The following SLC24A3 variants were observed in gnomAD, a reference collection of about 807,000 sequenced individuals.
The protein encoded by SLC24A3 is solute carrier family 24 member 3.
A neutral mutation model predicts 75.8 loss-of-function variants in SLC24A3; 28 were observed. That is an observed-to-expected ratio of 0.37 (90% CI 0.27 to 0.51). The LOEUF (loss-of-function observed/expected upper bound fraction) is 0.51, where lower values mean the gene tolerates loss of function less well. Among genes scored for constraint, SLC24A3 ranks in the 20% least tolerant of loss-of-function variants. The pLI is 0.94. For missense variants in SLC24A3, 663 were observed against 847.8 expected (o/e 0.78, Z 2.71); for synonymous variants, 372 against 334.1 (o/e 1.11, Z -1.24).
intron 1 of SLC24A3, among the ~76,000 whole-genome samples, chr20:19,241,041 G>A (rs562819058): frequency 3.3e-5 from 5 of 152,302 alleles, no homozygotes; most frequent in South Asian, 2.1e-4. Flanking sequence ...AGCCTGTCCC[G>A]GTGAAGAGGG....
rs1025784608 is a variant in SLC24A3 at position 19,275,713 on chromosome 20, C to T, written c.143-5246C>T. Reference sequence around the variant, plus strand: ...ACACAGCTCTGTAATGGAAACTTGGCGTCCAGCCTCACTTTGTGTCCTTCC... The same window carrying T: ...ACACAGCTCTGTAATGGAAACTTGGTGTCCAGCCTCACTTTGTGTCCTTCC... On this transcript the variant is annotated intron_variant, in intron 1 of 16. Coordinates refer to ENST00000328041, the MANE Select transcript of SLC24A3 (RefSeq NM_020689.4). 6.6e-5 allele frequency among the ~76,000 whole-genome samples: 10 copies of T among 152,252 alleles called. No individual in the cohort carries two copies. In the South Asian group the frequency reaches 1.7e-3, roughly 25 times the overall value.
In SLC24A3 at chr20:19,493,108, C is replaced by T. The variant is rs922595439; in HGVS notation, c.272-22380C>T. Among the ~76,000 whole-genome samples, 42 of 152,218 alleles carry T rather than the reference C, an allele frequency of 2.8e-4. 1 individual carries two copies. The highest frequency in any genetic ancestry group is 3.3e-4 in the Admixed American group (5 of 15,288). On this transcript the variant is annotated intron_variant, in intron 2 of 16. Coordinates refer to ENST00000328041, the MANE Select transcript of SLC24A3 (RefSeq NM_020689.4). ...CTGAATTAAATGGTTGGCCTGGCCT[C>T]GTTGCCATGGTGACAGGAATCAGTG...
chr20:19,575,277 A>G (rs62203260), intron 3 of SLC24A3, among the ~76,000 whole-genome samples: 8 of 133,376 alleles, frequency 6.0e-5, no homozygotes, highest in Non-Finnish European at 1.3e-4. Flanking sequence ...AAAAAAAAAA[A>G]GGCAACACCA....
chr20:19,252,640 T>TGGCA (rs1169052638), intron 1 of SLC24A3, among the ~76,000 whole-genome samples: 1 of 99,574 alleles, frequency 1.0e-5, no homozygotes, highest in East Asian at 7.8e-4. Context: ...GAAATTGGAA[T>TGGCA]GGCGGGGGGG....
At chr20:19,226,099 G>A (rs902636158) in intron 1 of SLC24A3, among the ~76,000 whole-genome samples, 1 of 151,524 alleles carries the variant, frequency 6.6e-6, no homozygotes, top group Non-Finnish European at 1.5e-5. Context: ...TTCCTTTTTC[G>A]CCTTAGTTTT....
At chr20:19,490,226 G>A (rs1231763787) in intron 2 of SLC24A3, among the ~76,000 whole-genome samples, 1 of 152,150 alleles carries the variant, frequency 6.6e-6, no homozygotes, top group Admixed American at 6.5e-5. Flanking sequence ...CTTGTGCCCA[G>A]GGGTAGCATC....
chr20:19,249,655 G>A (rs1033017205), intron 1 of SLC24A3, among the ~76,000 whole-genome samples: 7 of 152,126 alleles, frequency 4.6e-5, no homozygotes, highest in Non-Finnish European at 1.0e-4. Flanking sequence ...GAGACAGGAA[G>A]GCAACACAAC....
At chr20:19,619,406 G>A (rs1026161325) in intron 6 of SLC24A3, among the ~76,000 whole-genome samples, 7 of 152,280 alleles carry the variant, frequency 4.6e-5, no homozygotes, top group African/African-American at 1.7e-4. Context: ...CAGCTGGGAA[G>A]CCAGACTCAG....
chr20:19,669,066 G>A (rs2032433159), intron 8 of SLC24A3, among the ~76,000 whole-genome samples: 1 of 152,208 alleles, frequency 6.6e-6, no homozygotes, highest in African/African-American at 2.4e-5. Context: ...AGGGCCTGGG[G>A]TCAGGCGCAC....
intron 2 of SLC24A3, among the ~76,000 whole-genome samples, chr20:19,412,689 C>G (rs1363339483): frequency 6.6e-6 from 1 of 152,122 alleles, no homozygotes; most frequent in Non-Finnish European, 1.5e-5. Context: ...CTTTTAAGAT[C>G]TCCCACAGAA....
intron 6 of SLC24A3, among the ~76,000 whole-genome samples, chr20:19,608,702 C>T (rs1022918760): frequency 2.0e-5 from 3 of 152,108 alleles, no homozygotes; most frequent in African/African-American, 7.2e-5. Flanking sequence ...AGAGGTTCTT[C>T]GTTGATCTAA....
chr20:19,281,283 C>A (rs1290272934), intron 2 of SLC24A3, among the ~76,000 whole-genome samples, 196 bp downstream of exon 2: 1 of 152,160 alleles, frequency 6.6e-6, no homozygotes, highest in Non-Finnish European at 1.5e-5. Context: ...TGTTCGTTTT[C>A]TACTGGAGCT....
chr20:19,334,554 T>C (rs951319964), intron 2 of SLC24A3, among the ~76,000 whole-genome samples: 2 of 152,190 alleles, frequency 1.3e-5, no homozygotes, highest in African/African-American at 2.4e-5. Context: ...AACACCAAGA[T>C]TCAGTGCCAA....
chr20:19,658,926 AC>A (rs1259852830), intron 7 of SLC24A3, among the ~76,000 whole-genome samples: 1 of 152,168 alleles, frequency 6.6e-6, no homozygotes, highest in East Asian at 1.9e-4. Flanking sequence ...CAGCAGACGG[AC>A]AGTTTTTTGT....
At chr20:19,604,006 C>T (rs969624818) in intron 6 of SLC24A3, among the ~76,000 whole-genome samples, 6 of 152,172 alleles carry the variant, frequency 3.9e-5, no homozygotes, top group African/African-American at 7.2e-5. Flanking sequence ...CTGCAATCCC[C>T]GGGCAGCACA....
intron 3 of SLC24A3, among the ~76,000 whole-genome samples, chr20:19,545,829 G>A (rs770986530): frequency 1.9e-4 from 29 of 152,026 alleles, no homozygotes; most frequent in Admixed American, 4.6e-4. Flanking sequence ...TCATTTCTTT[G>A]GACGTAAACA....
chr20:19,561,593 C>A (rs1283012849), intron 3 of SLC24A3, among the ~76,000 whole-genome samples: 2 of 152,142 alleles, frequency 1.3e-5, no homozygotes, highest in Non-Finnish European at 2.9e-5. Context: ...GCAAGCTTCC[C>A]TAAATCCACT....
At chr20:19,346,360 A>C (rs1245569354) in intron 2 of SLC24A3, among the ~76,000 whole-genome samples, 1 of 130,406 alleles carries the variant, frequency 7.7e-6, no homozygotes, top group Non-Finnish European at 1.6e-5. Flanking sequence ...TATATGGTGT[A>C]TATATATGTG....
intron 6 of SLC24A3, among the ~76,000 whole-genome samples, chr20:19,630,515 A>C (rs2031919527): frequency 6.6e-6 from 1 of 152,206 alleles, no homozygotes; most frequent in Admixed American, 6.5e-5. Flanking sequence ...AGTTAGGATC[A>C]AGGAGACCAT....
Sources: allele counts gnomAD v4.1 joint callset (sites outside exome capture counted in the v4.1 genomes callset), GRCh38; gene constraint gnomAD v4.1.1; transcripts MANE v1.5; gene names NCBI Gene and HGNC (gene_info 2026-07-23, HGNC 2026-07-21).